The following ZNF587B variants were observed in gnomAD, a reference collection of about 807,000 sequenced individuals.
ZNF587B encodes zinc finger protein 587B.
ZNF587B carries 6 observed loss-of-function variants against 7.2 expected under a neutral mutation model. That is an observed-to-expected ratio of 0.83 (90% CI 0.46 to 1.65). The LOEUF (loss-of-function observed/expected upper bound fraction) is 1.65. ZNF587B is among the 40% of genes most tolerant of loss of function. The pLI, the probability that ZNF587B is intolerant of heterozygous loss-of-function variation, is 0.01. For synonymous variants in ZNF587B, 274 were observed against 254.3 expected, an observed-to-expected ratio of 1.08 and a Z score of -0.74; for missense variants, 749 against 761.0, an observed-to-expected ratio of 0.98 and a Z score of 0.19.
chr19:57,842,010 T>C lies in ZNF587B; in HGVS notation c.1336T>C (p.Cys446Arg). The C allele has an allele frequency of 6.2e-7, 1 of 1,600,816 alleles. No individual in the cohort carries two copies. Among genetic ancestry groups the C allele is most frequent in the Non-Finnish European group, 8.5e-7 (1 of 1,173,478 alleles). The change falls in exon 3 of 3, where the codon TGT (cysteine) becomes CGT (arginine). Residue 446 changes from cysteine to arginine, a missense_variant. Physicochemically the swap from Cys to Arg is radical, Grantham distance 180. Transcript: ENST00000594901. Reference sequence around the variant, plus strand: ...TTATAAGTGTGGGGAATGTGGGAAATGTTTTAGTCACAAGGGTAACCTCAT... The same window carrying C: ...TTATAAGTGTGGGGAATGTGGGAAACGTTTTAGTCACAAGGGTAACCTCAT... ...RPYKCGECGK[C>R]FSHKGNLILH...
intron 1 of ZNF587B, among the ~76,000 whole-genome samples, chr19:57,837,558 C>T (rs1988668121): frequency 6.6e-6 from 1 of 151,892 alleles, no homozygotes; most frequent in African/African-American, 2.4e-5. Context: ...ACGCCATTCT[C>T]CTGCCTCAGC....
Position 57,830,565 on chromosome 19 carries a change from G to T in ZNF587B, c.36+1G>T. 1 of 1,550,320 alleles carries T rather than the reference G, an allele frequency of 6.5e-7. No individual in the cohort carries two copies. Among genetic ancestry groups the T allele is most frequent in the Non-Finnish European group, 8.7e-7 (1 of 1,147,714 alleles). On this transcript the variant is annotated splice_donor_variant, in intron 1 of 2. Transcript: ENST00000594901. LOFTEE classifies it high-confidence loss of function. ...GGCCACGCTGAGGCTCTCTGCTCAG[G>T]TAATTGTGGTGCCTTCCATGCCCTC...
intron 1 of ZNF587B, 46 bp downstream of exon 1, chr19:57,830,610 C>G (rs56386189): frequency 0.075 from 115,137 of 1,544,228 alleles, 4,869 homozygotes; most frequent in Middle Eastern, 0.09. Context: ...CATCATCACC[C>G]AAAAGCCTGT....
chr19:57,846,159 G>GC lies in ZNF587B; in HGVS notation c.*3583_*3584insC, dbSNP rs1242276678. On this transcript the variant is annotated 3_prime_UTR_variant, in exon 3 of 3. Transcript: ENST00000594901. ...TCTCTCTGCTCTTCAAACAACCATT[G>GC]ATTTACTTTGCTGTATGATGGAGTA... 1 of 151,988 alleles carries GC rather than the reference G, an allele frequency of 6.6e-6. No individual in the cohort carries two copies. Among genetic ancestry groups the GC allele is most frequent in the African/African-American group, 2.4e-5 (1 of 41,370 alleles). 9.4% of individuals were successfully genotyped at this position (151,988 alleles called of 1,614,324 possible).
At position 57,843,139 on chromosome 19, in the gene ZNF587B, C is replaced by T. The variant is rs958297945; in HGVS notation, c.*563C>T. The T allele has an allele frequency of 1.7e-5, 9 of 527,202 alleles. No individual in the cohort carries two copies. In the African/African-American group the frequency reaches 1.9e-4, roughly 11 times the overall value. 32.7% of individuals were successfully genotyped at this position (527,202 alleles called of 1,614,324 possible). On this transcript the variant is annotated 3_prime_UTR_variant, in exon 3 of 3. Transcript: ENST00000594901. ...GCCTCCATGTAGCTGGGTCCACAGG[C>T]ATGCACCACCATGCCTGGCTATTTT...
intron 1 of ZNF587B, among the ~76,000 whole-genome samples, chr19:57,830,929 T>G (rs892419228): frequency 1.3e-5 from 2 of 152,092 alleles, no homozygotes; most frequent in African/African-American, 4.8e-5. Flanking sequence ...GGGGTCTAGT[T>G]AAAACAATTT....
Position 57,840,075 on chromosome 19 carries a change from C to CAAAA in ZNF587B, c.164-729_164-726dup, listed in dbSNP as rs774635301. On this transcript the variant is annotated intron_variant, in intron 2 of 2. Coordinates refer to ENST00000594901, the MANE Select transcript of ZNF587B (RefSeq NM_001376223.1). ...GGGCAACAGAGCGAGACTCTGTCTC[C>CAAAA]AAAAAAAAAAAAAAAAAAAAAAAAA... Among the ~76,000 whole-genome samples the CAAAA allele has an allele frequency of 1.5e-4, 12 of 81,108 alleles. 1 individual carries two copies. Among genetic ancestry groups the CAAAA allele is most frequent in the Non-Finnish European group, 2.3e-4 (9 of 39,960 alleles). 53.2% of individuals were successfully genotyped at this position (81,108 alleles called of 152,430 possible).
chr19:57,835,400 A>G (rs1988561591), intron 1 of ZNF587B, among the ~76,000 whole-genome samples: 1 of 125,020 alleles, frequency 8.0e-6, no homozygotes, highest in Non-Finnish European at 1.7e-5. Context: ...TTCTGTCACC[A>G]GGCTGGAGTG....
Position 57,842,706 on chromosome 19 carries a change from C to T in ZNF587B, c.*130C>T. 3 of 1,298,888 alleles carry T rather than the reference C, an allele frequency of 2.3e-6. No individual in the cohort carries two copies. Among genetic ancestry groups the T allele is most frequent in the South Asian group, 2.9e-5 (1 of 34,348 alleles). 80.5% of individuals were successfully genotyped at this position (1,298,888 alleles called of 1,614,324 possible). ...CTCTCCTTGGACATTGGAGAGTTCACACCAGAGAAAAGTCCTTACAAGTAA... is the reference window on the plus strand; with the variant it reads ...CTCTCCTTGGACATTGGAGAGTTCATACCAGAGAAAAGTCCTTACAAGTAA... On this transcript the variant is annotated 3_prime_UTR_variant, in exon 3 of 3. Coordinates refer to ENST00000594901, the MANE Select transcript of ZNF587B (RefSeq NM_001376223.1).
In ZNF587B at chr19:57,830,863, C is replaced by G. The variant is rs537835896; in HGVS notation, c.36+299C>G. ...AGATGGGTAACGCTCAAAGTTCTCG[C>G]GGCCCCAAAGAAGGGGCTAGATTTT... On this transcript the variant is annotated intron_variant, in intron 1 of 2. Transcript: ENST00000594901. Among the ~76,000 whole-genome samples, 170 of 152,046 alleles carry G rather than the reference C, an allele frequency of 1.1e-3. 1 individual carries two copies. Among genetic ancestry groups the G allele is most frequent in the African/African-American group, 3.9e-3 (161 of 41,426 alleles).
intron 2 of ZNF587B, 106 bp downstream of exon 2, chr19:57,839,255 G>C (rs1260265527): frequency 6.6e-7 from 1 of 1,521,792 alleles, no homozygotes; most frequent in East Asian, 2.3e-5. Flanking sequence ...ACAGCTTCCT[G>C]CTTCAGTTCT....
At chr19:57,839,359 G>A (rs1988753357) in intron 2 of ZNF587B, among the ~76,000 whole-genome samples, 2 of 152,188 alleles carry the variant, frequency 1.3e-5, no homozygotes, top group Non-Finnish European at 1.5e-5. Context: ...CAGGCTCCCA[G>A]GGAGGGATTC....
At chr19:57,836,960 TAA>T (rs71188052) in intron 1 of ZNF587B, among the ~76,000 whole-genome samples, 1,800 of 106,218 alleles carry the variant, frequency 0.017, 34 homozygotes, top group African/African-American at 0.059. Flanking sequence ...GACTCCGTCA[TAA>T]AAAAAAAAAA....
In ZNF587B at chr19:57,842,128, A is replaced by T; in HGVS notation, c.1454A>T (p.Gln485Leu). 6.2e-7 allele frequency: 1 copy of T among 1,611,066 alleles called. No homozygotes were observed. The highest frequency in any genetic ancestry group is 1.1e-5 in the South Asian group (1 of 90,708). ...AAGAAGTCTCACCTCCTTGTACACC[A>T]GAGAATTCACAGTGGAGAGAAGCCA... is the stretch of plus-strand genomic sequence containing the variant. ...FKKKSHLLVHQRIHSGEKPYA... is the reference protein window; with the variant it reads ...FKKKSHLLVHLRIHSGEKPYA... The change falls in exon 3 of 3, where the codon CAG (glutamine) becomes CTG (leucine). Residue 485 changes from glutamine to leucine, a missense_variant. This residue lies in a region of ZNF587B where 656 missense variants were observed against 596.5 expected (regional missense o/e 1.10). Transcript: ENST00000594901.
chr19:57,839,703 G>T (rs951217438), intron 2 of ZNF587B, among the ~76,000 whole-genome samples: 2 of 151,888 alleles, frequency 1.3e-5, no homozygotes, highest in South Asian at 2.1e-4. Flanking sequence ...ATTGTGGTGG[G>T]AGGCACAGTC....
intron 2 of ZNF587B, 118 bp from the exon 3 acceptor site, chr19:57,840,720 C>T: frequency 1.3e-6 from 2 of 1,598,016 alleles, no homozygotes; most frequent in Non-Finnish European, 1.7e-6. Flanking sequence ...AAGCCAACAT[C>T]CTGTTCCTCC....
In ZNF587B at chr19:57,843,590, G is replaced by GT. The variant is rs1174938612; in HGVS notation, c.*1023dup. On this transcript the variant is annotated 3_prime_UTR_variant, in exon 3 of 3. Transcript: ENST00000594901. ...TGGTTGGTTGGTTGGTTGGTTGGTTGTTTTTTTTTGTTTTTTTTTTTTTTT... is the reference window on the plus strand; with the variant it reads ...TGGTTGGTTGGTTGGTTGGTTGGTTGTTTTTTTTTTGTTTTTTTTTTTTTTT... The GT allele has an allele frequency of 4.6e-3, 2,665 of 574,022 alleles. 14 individuals are homozygous for GT. Among genetic ancestry groups the GT allele is most frequent in the Non-Finnish European group, 5.0e-3 (2,454 of 493,140 alleles). The allele number at this position is 574,022 out of a possible 1,614,324, so 35.6% of individuals were successfully genotyped here. A position where few individuals can be genotyped will look rare whatever the true frequency, so the allele number is the denominator to read the frequency against.
intron 1 of ZNF587B, among the ~76,000 whole-genome samples, chr19:57,838,314 A>C (rs113053886): frequency 2.0e-5 from 3 of 151,826 alleles, no homozygotes; most frequent in Admixed American, 2.0e-4. Flanking sequence ...AAGATACTTT[A>C]AATTGTGGCC....
In ZNF587B at chr19:57,841,046, C is replaced by T. The variant is rs1464045304; in HGVS notation, c.372C>T (p.Ala124=). ...AGCAGAAACTGCACAGGTGTGAGGC[C>T]TGGGGGAATAAATTGTATGACAGTG... ...HHKQKLHRCE[A]WGNKLYDSGN... The change falls in exon 3 of 3, where the codon GCC becomes GCT. Residue 124 remains alanine, a synonymous_variant. Transcript: ENST00000594901. 2 of 1,612,990 alleles carry T rather than the reference C, an allele frequency of 1.2e-6. No individual in the cohort carries two copies. Among genetic ancestry groups the T allele is most frequent in the East Asian group, 2.2e-5 (1 of 44,860 alleles).
Sources: gnomAD v4.1 joint callset for allele counts (sites outside exome capture counted in the v4.1 genomes callset) on GRCh38, gnomAD v4.1.1 for gene constraint, gnomAD v4.1.1 regional missense constraint, MANE v1.5 for transcripts, NCBI Gene and HGNC (gene_info 2026-07-23, HGNC 2026-07-21) for gene names.